ARMC3: variants seen among roughly 807,000 people sequenced by gnomAD.
The protein encoded by ARMC3 is armadillo repeat containing 3.
Under a neutral mutation model 90.3 loss-of-function variants are expected in ARMC3, and 74 were observed. The ratio of observed to expected loss-of-function variants is 0.82; its 90% CI spans 0.68 to 0.99. The LOEUF (loss-of-function observed/expected upper bound fraction) is 0.99. Among genes scored for constraint, ARMC3 ranks in the 50% least tolerant of loss-of-function variants. The pLI is 0.00. For missense variants in ARMC3, 958 were observed against 1,042.8 expected (o/e 0.92, Z 1.12); for synonymous variants, 334 against 361.8 (o/e 0.92, Z 0.87).
chr10:22,938,204 C>A (rs956248446), intron 2 of ARMC3, among the ~76,000 whole-genome samples: 1 of 151,924 alleles, frequency 6.6e-6, no homozygotes, highest in Non-Finnish European at 1.5e-5. Flanking sequence ...GGGAGGGGAC[C>A]CCAGCCAGAC....
intron 16 of ARMC3, among the ~76,000 whole-genome samples, chr10:23,010,710 C>G (rs1411138910): frequency 1.1e-5 from 1 of 91,974 alleles, no homozygotes; most frequent in Non-Finnish European, 2.2e-5. Context: ...CCCCCTCCTT[C>G]CTTTCCCTCC....
chr10:22,984,936 A>G (rs1320820072), intron 10 of ARMC3, among the ~76,000 whole-genome samples: 1 of 151,826 alleles, frequency 6.6e-6, no homozygotes. Context: ...GCAATGGTAC[A>G]ATCGTAGCTC....
intron 14 of ARMC3, 26 bp downstream of exon 14, chr10:23,007,007 G>A (rs1472071614): frequency 7.1e-6 from 11 of 1,540,692 alleles, no homozygotes; most frequent in Non-Finnish European, 9.7e-6. Context: ...GAGAGGGGAT[G>A]AAGGGAAGCA....
intron 18 of ARMC3, among the ~76,000 whole-genome samples, chr10:23,035,384 A>T (rs774006133): frequency 3.9e-4 from 59 of 152,260 alleles, no homozygotes; most frequent in Non-Finnish European, 7.5e-4. Flanking sequence ...CATAGCAGGC[A>T]TCTTAAGCTC....
intron 2 of ARMC3, among the ~76,000 whole-genome samples, chr10:22,937,969 G>T (rs1225373212): frequency 1.3e-5 from 2 of 152,218 alleles, no homozygotes; most frequent in Non-Finnish European, 2.9e-5. Flanking sequence ...AAGATGGGGA[G>T]AAAGGAAAGT....
chr10:23,032,567 G>C (rs1838958608), intron 17 of ARMC3, among the ~76,000 whole-genome samples: 1 of 150,030 alleles, frequency 6.7e-6, no homozygotes, highest in South Asian at 2.1e-4. Context: ...TTGATATTTA[G>C]AGTTATATTG....
intron 13 of ARMC3, among the ~76,000 whole-genome samples, chr10:23,003,751 A>G (rs1437533999): frequency 6.6e-6 from 1 of 152,046 alleles, no homozygotes; most frequent in Non-Finnish European, 1.5e-5. Context: ...CTTGAGACCA[A>G]GAGCCCAGGA....
At chr10:22,956,827 A>G (rs779739231) in intron 4 of ARMC3, among the ~76,000 whole-genome samples, 9 of 148,752 alleles carry the variant, frequency 6.1e-5, no homozygotes, top group Non-Finnish European at 8.9e-5. Flanking sequence ...TATATATTAA[A>G]TAACGTATTA....
intron 16 of ARMC3, among the ~76,000 whole-genome samples, chr10:23,020,129 G>GTT (rs147816851): frequency 5.9e-5 from 9 of 151,584 alleles, no homozygotes; most frequent in Non-Finnish European, 1.2e-4. Context: ...GTTTTGTTTT[G>GTT]TTTTGTTTTG....
intron 13 of ARMC3, 135 bp downstream of exon 13, chr10:23,003,549 C>A: frequency 1.3e-6 from 1 of 781,782 alleles, no homozygotes. Flanking sequence ...AAAATCAGCA[C>A]TTCATTCTTA....
At chr10:22,961,610 G>A (rs1308214988) in intron 6 of ARMC3, 1 of 308,920 alleles carries the variant, frequency 3.2e-6, no homozygotes, top group Non-Finnish European at 5.9e-6. Flanking sequence ...TTATACTGCT[G>A]TTTAATCAGG....
At chr10:22,963,922 CA>C (rs35508443) in intron 7 of ARMC3, among the ~76,000 whole-genome samples, 41 of 58,546 alleles carry the variant, frequency 7.0e-4, no homozygotes, top group African/African-American at 2.8e-3. Flanking sequence ...CACACACACA[CA>C]AAAAAAAAAA....
intron 3 of ARMC3, among the ~76,000 whole-genome samples, chr10:22,954,225 C>A (rs1206136225): frequency 6.6e-6 from 1 of 152,132 alleles, no homozygotes; most frequent in African/African-American, 2.4e-5. Flanking sequence ...TTTTCTTATT[C>A]AGTTTTAGAA....
chr10:22,968,210 T>C, intron 7 of ARMC3, 96 bp from the exon 8 acceptor site: 1 of 1,133,050 alleles, frequency 8.8e-7, no homozygotes, highest in Non-Finnish European at 1.3e-6. Context: ...AATCATGACA[T>C]TGTGTTCTGA....
intron 16 of ARMC3, chr10:23,014,538 A>G: frequency 2.1e-6 from 2 of 974,022 alleles, no homozygotes; most frequent in Non-Finnish European, 2.5e-6. Flanking sequence ...TAGCAAAGAC[A>G]TGGGATCAAC....
intron 16 of ARMC3, among the ~76,000 whole-genome samples, chr10:23,026,161 A>G (rs1370697890): frequency 6.6e-6 from 1 of 152,136 alleles, no homozygotes; most frequent in Non-Finnish European, 1.5e-5. Context: ...TAAAGAATTA[A>G]CATCAATTGT....
At chr10:23,005,958 C>A (rs937756151) in intron 13 of ARMC3, among the ~76,000 whole-genome samples, 1 of 151,730 alleles carries the variant, frequency 6.6e-6, no homozygotes, top group African/African-American at 2.4e-5. Context: ...TGCTGGGGAG[C>A]CCTGAGGTGG....
intron 10 of ARMC3, among the ~76,000 whole-genome samples, chr10:22,994,081 G>T (rs1362996417): frequency 3.3e-5 from 5 of 152,192 alleles, no homozygotes; most frequent in African/African-American, 1.2e-4. Context: ...TAAACAAAAA[G>T]AAATGTGTAT....
At chr10:22,932,157 C>A in intron 2 of ARMC3, 113 bp downstream of exon 2, 1 of 695,260 alleles carries the variant, frequency 1.4e-6, no homozygotes, top group South Asian at 2.6e-5. Context: ...GGCAGAAGTC[C>A]AAAGTCTGAC....
Sources: gnomAD v4.1 joint callset for allele counts (sites outside exome capture counted in the v4.1 genomes callset) on GRCh38, gnomAD v4.1.1 for gene constraint, MANE v1.5 for transcripts, NCBI Gene and HGNC (gene_info 2026-07-23, HGNC 2026-07-21) for gene names.